Variants in DNAH6 observed in about 807,000 individuals in gnomAD.
The protein encoded by DNAH6 is axonemal beta dynein heavy chain 6.
Under a neutral mutation model 491.4 loss-of-function variants are expected in DNAH6, and 340 were observed. The observed-to-expected ratio is 0.69, with a 90% CI of 0.63 to 0.76. The LOEUF (loss-of-function observed/expected upper bound fraction) is 0.76. Among genes scored for constraint, DNAH6 ranks in the 30% least tolerant of loss-of-function variants. The pLI, the probability that DNAH6 is intolerant of heterozygous loss-of-function variation, is 0.00. For synonymous variants in DNAH6, 1,603 were observed against 1,686.1 expected, an observed-to-expected ratio of 0.95 and a Z score of 1.21; for missense variants, 4,443 against 4,972.2, an observed-to-expected ratio of 0.89 and a Z score of 3.20.
intron 29 of DNAH6, among the ~76,000 whole-genome samples, chr2:84,634,008 T>G (rs1333897523): frequency 6.6e-6 from 1 of 152,234 alleles, no homozygotes; most frequent in Non-Finnish European, 1.5e-5. Context: ...TACATTCTTA[T>G]TTTCCTCCAC....
At chr2:84,587,579 G>A (rs552624203) in intron 15 of DNAH6, among the ~76,000 whole-genome samples, 1 of 152,318 alleles carries the variant, frequency 6.6e-6, no homozygotes, top group South Asian at 2.1e-4. Context: ...TTGCTATCAA[G>A]ACCCTCATTC....
At chr2:84,654,610 T>C in intron 34 of DNAH6, 50 bp from the exon 35 acceptor site, 1 of 1,544,968 alleles carries the variant, frequency 6.5e-7, no homozygotes, top group Non-Finnish European at 8.8e-7. Flanking sequence ...GTTGGAGAAA[T>C]AAGGAAGTAT....
chr2:84,552,888 T>G, intron 9 of DNAH6, 30 bp from the exon 10 acceptor site: 6 of 1,347,812 alleles, frequency 4.5e-6, no homozygotes, highest in Non-Finnish European at 6.2e-6. Context: ...TACTTGTGTC[T>G]TTATAACACT....
chr2:84,715,709 A>AATG, intron 58 of DNAH6, 82 bp downstream of exon 58: 1 of 1,354,960 alleles, frequency 7.4e-7, no homozygotes, highest in South Asian at 1.3e-5. Context: ...TGACAAAGAC[A>AATG]ATGTTCTGCT....
intron 14 of DNAH6, among the ~76,000 whole-genome samples, chr2:84,583,255 G>A (rs796344885): frequency 4.6e-5 from 7 of 152,238 alleles, no homozygotes; most frequent in South Asian, 2.1e-4. Context: ...TCGATCCCTC[G>A]GGCTGCTCTG....
the DNAH6 span, among the ~76,000 whole-genome samples, chr2:84,492,767 C>T: frequency 1.3e-5 from 2 of 152,156 alleles, no homozygotes; most frequent in Admixed American, 6.5e-5. Flanking sequence ...TGCTATTGCC[C>T]ACTGTGTGTC....
intron 17 of DNAH6, among the ~76,000 whole-genome samples, chr2:84,595,034 A>G (rs1684444240): frequency 6.6e-6 from 1 of 152,188 alleles, no homozygotes; most frequent in African/African-American, 2.4e-5. Context: ...GGATTAGAGC[A>G]GTGGCTTCCA....
the DNAH6 span, among the ~76,000 whole-genome samples, chr2:84,481,230 CT>C: frequency 5.9e-5 from 9 of 152,180 alleles, no homozygotes; most frequent in African/African-American, 2.2e-4. Context: ...ACCCCAAAGC[CT>C]TACACTAACC....
intron 3 of DNAH6, among the ~76,000 whole-genome samples, chr2:84,527,865 T>C (rs963154041): frequency 6.6e-6 from 1 of 152,208 alleles, no homozygotes; most frequent in Non-Finnish European, 1.5e-5. Flanking sequence ...AATGGCAGCC[T>C]CTGCCAGCTA....
chr2:84,553,451 CTCTT>C (rs1441124700), intron 10 of DNAH6, among the ~76,000 whole-genome samples: 13 of 127,938 alleles, frequency 1.0e-4, no homozygotes, highest in Admixed American at 4.2e-4. Flanking sequence ...CTTTCTCTCT[CTCTT>C]TCTTTCTTTT....
chr2:84,676,389 A>T (rs142067157), intron 40 of DNAH6, among the ~76,000 whole-genome samples: 3 of 152,342 alleles, frequency 2.0e-5, no homozygotes, highest in East Asian at 3.9e-4. Context: ...CTATTTCTAA[A>T]CACAAAAAGG....
intron 62 of DNAH6, 118 bp downstream of exon 62, chr2:84,733,697 A>G (rs1266730736): frequency 2.1e-6 from 2 of 942,140 alleles, no homozygotes; most frequent in African/African-American, 3.3e-5. Context: ...AACTTCCTTC[A>G]TTTCTAAGAA....
At chr2:84,525,522 A>G (rs992846204) in intron 2 of DNAH6, 43 bp from the exon 3 acceptor site, 2 of 1,509,312 alleles carry the variant, frequency 1.3e-6, no homozygotes, top group Admixed American at 2.4e-5. Context: ...ACAAGTTTAT[A>G]CGAATGTTAA....
At chr2:84,693,016 A>G (rs1164318850) in intron 45 of DNAH6, among the ~76,000 whole-genome samples, 1 of 152,288 alleles carries the variant, frequency 6.6e-6, no homozygotes, top group Non-Finnish European at 1.5e-5. Context: ...CTCCTAGGAA[A>G]CATTTAGTGT....
intron 21 of DNAH6, among the ~76,000 whole-genome samples, chr2:84,609,148 A>G (rs182242698): frequency 2.0e-5 from 3 of 152,300 alleles, no homozygotes; most frequent in Admixed American, 1.3e-4. Flanking sequence ...AGGGAATGTT[A>G]TGGTTGGTTT....
intron 9 of DNAH6, among the ~76,000 whole-genome samples, chr2:84,550,703 C>T (rs1456693181): frequency 1.3e-5 from 2 of 151,902 alleles, no homozygotes; most frequent in South Asian, 2.1e-4. Context: ...TGCTGGATGT[C>T]GAATATATAG....
intron 64 of DNAH6, among the ~76,000 whole-genome samples, chr2:84,776,664 T>C (rs574069490): frequency 1.3e-5 from 2 of 152,354 alleles, no homozygotes; most frequent in Non-Finnish European, 2.9e-5. Context: ...AAAGTGTTCC[T>C]ATTTCTCCAC....
rs199886756 is a variant in DNAH6, at chr2:84,624,512, C to T, written c.4245C>T (p.Tyr1415=). 1,191 of 1,551,762 alleles carry T rather than the reference C, an allele frequency of 7.7e-4. 1 individual carries two copies. Among genetic ancestry groups the T allele is most frequent in the Non-Finnish European group, 9.7e-4 (1,117 of 1,147,006 alleles). The part of the protein sequence containing the change: ...SFDWQRQLRY[Y]WDIDLDNCVA... ...ACTGGCAGAGACAACTGCGCTATTA[C>T]TGGGATATAGACCTGGATAATTGTG... The change falls in exon 28 of 77, where the codon TAC becomes TAT. Residue 1415 remains tyrosine, a synonymous_variant. Coordinates refer to ENST00000389394, the MANE Select transcript of DNAH6 (RefSeq NM_001370.2).
intron 5 of DNAH6, 38 bp downstream of exon 5, chr2:84,544,538 AC>A (rs1370347192): frequency 8.5e-7 from 1 of 1,173,684 alleles, no homozygotes. Flanking sequence ...ATAATTACTT[AC>A]AAAAAAAGAA....
Sources: gnomAD v4.1 joint callset for allele counts (sites outside exome capture counted in the v4.1 genomes callset) on GRCh38, gnomAD v4.1.1 for gene constraint, MANE v1.5 for transcripts, NCBI Gene and HGNC (gene_info 2026-07-23, HGNC 2026-07-21) for gene names.